Variants in LYG1 observed in about 807,000 individuals in gnomAD.
LYG1 encodes the protein lysozyme g-like protein 1.
A neutral mutation model predicts 21.7 loss-of-function variants in LYG1; 17 were observed. The ratio of observed to expected loss-of-function variants is 0.78; its 90% CI spans 0.54 to 1.18. The LOEUF is 1.18. Ranked by LOEUF, LYG1 falls within the 50% of genes most tolerant of loss-of-function variation. LYG1 has a pLI of 0.00. For missense variants in LYG1, 211 were observed against 238.1 expected (o/e 0.89, Z 0.75); for synonymous variants, 81 against 87.4 (o/e 0.93, Z 0.41).
At chr2:99,288,284 A>T (rs1005940849) in intron 5 of LYG1, among the ~76,000 whole-genome samples, 4 of 152,066 alleles carry the variant, frequency 2.6e-5, no homozygotes, top group Non-Finnish European at 4.4e-5. Context: ...CATAGTTATC[A>T]ACATTATTTT....
chr2:99,301,214 T>C (rs1357897631), upstream of LYG1: 4 of 152,334 alleles, frequency 2.6e-5, no homozygotes, highest in Non-Finnish European at 5.9e-5. Flanking sequence ...TCCGAACTTA[T>C]ATAGGGCCTT....
At chr2:99,287,891 C>T (rs2094105869) in intron 5 of LYG1, among the ~76,000 whole-genome samples, 3 of 152,054 alleles carry the variant, frequency 2.0e-5, no homozygotes, top group Non-Finnish European at 2.9e-5. Context: ...TTGTGTATAT[C>T]CTAATGGATA....
In LYG1 at chr2:99,295,613, A is replaced by G. The variant is rs1193645450; in HGVS notation, c.43+15T>C. The G allele has an allele frequency of 3.7e-6, 6 of 1,614,162 alleles. No homozygotes were observed. Among genetic ancestry groups the G allele is most frequent in the Non-Finnish European group, 5.1e-6 (6 of 1,180,014 alleles). On this transcript the variant is annotated intron_variant, in intron 3 of 6. Coordinates refer to ENST00000308528, the MANE Select transcript of LYG1 (RefSeq NM_174898.3). ...CCCATCTCCAAAGTCATTTGTAAAAATCAGCCACACTCACCCATCAGGGCA... is the reference window on the plus strand; with the variant it reads ...CCCATCTCCAAAGTCATTTGTAAAAGTCAGCCACACTCACCCATCAGGGCA...
At chr2:99,296,349 A>T (rs2094136321) in intron 2 of LYG1, among the ~76,000 whole-genome samples, 1 of 152,134 alleles carries the variant, frequency 6.6e-6, no homozygotes, top group Non-Finnish European at 1.5e-5. Context: ...CTCCACCAGC[A>T]AATCCCCAAG....
At chr2:99,285,370 G>A (rs1390040720) in intron 5 of LYG1, among the ~76,000 whole-genome samples, 3 of 150,008 alleles carry the variant, frequency 2.0e-5, no homozygotes, top group African/African-American at 4.9e-5. Flanking sequence ...GACAGAGTGA[G>A]ACCCTGTCTT....
At chr2:99,290,542 T>C (rs2094115200) in intron 5 of LYG1, among the ~76,000 whole-genome samples, 1 of 152,104 alleles carries the variant, frequency 6.6e-6, no homozygotes, top group Non-Finnish European at 1.5e-5. Context: ...AAAAAAAGAC[T>C]GCAATACTCA....
intron 5 of LYG1, among the ~76,000 whole-genome samples, chr2:99,287,378 G>A (rs2094103336): frequency 6.6e-6 from 1 of 152,162 alleles, no homozygotes; most frequent in Non-Finnish European, 1.5e-5. Context: ...CCTATTGGAG[G>A]GTGGAGTGTG....
chr2:99,295,570 G>A (rs1398037503), intron 3 of LYG1, 58 bp downstream of exon 3: 2 of 1,582,094 alleles, frequency 1.3e-6, no homozygotes, highest in African/African-American at 2.7e-5. Context: ...GTGCCATTGT[G>A]TTCCTGTGCT....
chr2:99,303,570 C>T (rs151023250), upstream of LYG1, among the ~76,000 whole-genome samples: 227 of 152,320 alleles, frequency 1.5e-3, 1 homozygote, highest in Middle Eastern at 0.031. Flanking sequence ...CTCCGGGACA[C>T]TCCGCAGGCA....
intron 2 of LYG1, among the ~76,000 whole-genome samples, chr2:99,297,497 TGGAAGGAC>T (rs1180283286): frequency 6.6e-6 from 1 of 152,218 alleles, no homozygotes; most frequent in Non-Finnish European, 1.5e-5. Context: ...GAAACCCAAG[TGGAAGGAC>T]TCAGCTTTTA....
chr2:99,288,132 G>A (rs1026403566), intron 5 of LYG1, among the ~76,000 whole-genome samples: 12 of 151,962 alleles, frequency 7.9e-5, no homozygotes, highest in South Asian at 4.2e-4. Flanking sequence ...AATTTATGCT[G>A]CATATATTTT....
chr2:99,295,843 T>TG (rs1157919580), intron 2 of LYG1, 141 bp from the exon 3 acceptor site: 2 of 794,578 alleles, frequency 2.5e-6, no homozygotes, highest in Middle Eastern at 2.8e-4. Flanking sequence ...TGAATCATAG[T>TG]GAAAAAAAAG....
chr2:99,288,417 G>C (rs780471645), intron 5 of LYG1, among the ~76,000 whole-genome samples: 7 of 151,826 alleles, frequency 4.6e-5, no homozygotes, highest in Non-Finnish European at 1.0e-4. Flanking sequence ...TTTTAATCTC[G>C]TTCATACATC....
chr2:99,291,544 T>C, intron 4 of LYG1, 123 bp from the exon 5 acceptor site: 1 of 1,156,064 alleles, frequency 8.7e-7, no homozygotes, highest in Non-Finnish European at 1.2e-6. Flanking sequence ...CAATCCCAGA[T>C]TTTGGTCTTA....
At position 99,284,431 on chromosome 2, in the gene LYG1, G is replaced by A. The variant is rs372188958; in HGVS notation, c.547C>T (p.Leu183Phe). 1 of 1,614,072 alleles carries A rather than the reference G, an allele frequency of 6.2e-7. No individual in the cohort carries two copies. The highest frequency in any genetic ancestry group is 8.5e-7 in the Non-Finnish European group (1 of 1,180,022). Residue 183 changes from leucine (L) to phenylalanine (F), a missense_variant, in exon 7 of 7, where the codon CTT becomes TTT. By Grantham distance (22) the Leu-to-Phe change is conservative. Coordinates refer to ENST00000308528, the MANE Select transcript of LYG1 (RefSeq NM_174898.3). ...DLSCDFCNDV[L>F]ARAKYLKRHG... is the part of the protein sequence containing the mutation. ...CTCTTGAGGTACTTGGCTCGTGCAA[G>A]GACATCATTGCAGAAGTCACAGCTC... is the stretch of plus-strand genomic sequence containing the variant.
At chr2:99,295,304 T>C (rs756006922) in intron 3 of LYG1, among the ~76,000 whole-genome samples, 1 of 152,210 alleles carries the variant, frequency 6.6e-6, no homozygotes, top group African/African-American at 2.4e-5. Flanking sequence ...TCAATTCTTC[T>C]ATGGAAATAA....
chr2:99,300,969 A>G (rs1403931935), intron 1 of LYG1, 81 bp downstream of exon 1: 1 of 126,560 alleles, frequency 7.9e-6, no homozygotes, highest in East Asian at 2.1e-4. Context: ...AGACACAATC[A>G]TTGCCAACTG....
Position 99,284,493 on chromosome 2 carries a change from C to A in LYG1, c.485G>T (p.Ser162Ile). 2.5e-6 allele frequency: 4 copies of A among 1,614,202 alleles called. No individual in the cohort carries two copies. Among genetic ancestry groups the A allele is most frequent in the Non-Finnish European group, 3.4e-6 (4 of 1,180,020 alleles). ...GCTTCGGACATAGCCAGCACCCCCA[C>A]TGTAGGCACAGAGTCCACCTGAAAT... ...QYLRGGLCAY[S>I]GGAGYVRSSQ... Residue 162 changes from serine to isoleucine, a missense_variant, in exon 7 of 7, where the codon AGT (serine) becomes ATT (isoleucine). Ser to Ile is a moderately radical substitution (Grantham distance 142). Coordinates refer to ENST00000308528, the MANE Select transcript of LYG1 (RefSeq NM_174898.3).
chr2:99,285,539 T>A (rs962468110), intron 5 of LYG1, among the ~76,000 whole-genome samples: 4 of 152,218 alleles, frequency 2.6e-5, no homozygotes, highest in African/African-American at 9.7e-5. Context: ...AGAATTAAAA[T>A]GCTGAGACAC....
Sources: gnomAD v4.1 joint callset for allele counts (sites outside exome capture counted in the v4.1 genomes callset) on GRCh38, gnomAD v4.1.1 for gene constraint, MANE v1.5 for transcripts, NCBI Gene and HGNC (gene_info 2026-07-23, HGNC 2026-07-21) for gene names.